The following GRM7 variants were observed in gnomAD, a reference collection of about 807,000 sequenced individuals.
GRM7 encodes metabotropic glutamate receptor 7.
Under a neutral mutation model 84.5 loss-of-function variants are expected in GRM7, and 35 were observed. That is an observed-to-expected ratio of 0.41 (90% CI 0.32 to 0.55). GRM7 has a LOEUF of 0.55. Ranked by LOEUF, GRM7 falls within the 20% of genes least tolerant of loss-of-function variation. GRM7 has a pLI of 0.19. For missense variants in GRM7, 1,003 were observed against 1,194.6 expected, an observed-to-expected ratio of 0.84 and a Z score of 2.36; for synonymous variants, 487 against 455.1, an observed-to-expected ratio of 1.07 and a Z score of -0.89.
At chr3:6,983,562 A>G (rs1694282172) in intron 1 of GRM7, among the ~76,000 whole-genome samples, 1 of 152,060 alleles carries the variant, frequency 6.6e-6, no homozygotes, top group South Asian at 2.1e-4. Flanking sequence ...GTTCCTAATA[A>G]TTTTCTTACA....
chr3:7,175,722 G>T (rs1695123947), intron 2 of GRM7, among the ~76,000 whole-genome samples: 1 of 152,034 alleles, frequency 6.6e-6, no homozygotes, highest in Non-Finnish European at 1.5e-5. Context: ...GTTTTTAGTA[G>T]AGACATGGTT....
At chr3:7,550,569 CTCTCTCTCTGTGTGTGTG>C (rs201765474) in intron 7 of GRM7, among the ~76,000 whole-genome samples, 8,623 of 96,128 alleles carry the variant, frequency 0.09, 341 homozygotes, top group Non-Finnish European at 0.12. Context: ...CTCTCTCTCT[CTCTCTCTCTGTGTGTGTG>C]TGTGTGTGTG....
At chr3:7,494,779 G>T (rs933337832) in intron 7 of GRM7, among the ~76,000 whole-genome samples, 1 of 152,094 alleles carries the variant, frequency 6.6e-6, no homozygotes. Flanking sequence ...AAGCAATATT[G>T]TTTTCACTGG....
intron 2 of GRM7, among the ~76,000 whole-genome samples, chr3:7,226,356 T>C (rs1007656656): frequency 6.6e-6 from 1 of 152,170 alleles, no homozygotes; most frequent in African/African-American, 2.4e-5. Flanking sequence ...ATTTATTTCC[T>C]TGTGGCTGTG....
At chr3:7,217,275 C>T (rs933794806) in intron 2 of GRM7, among the ~76,000 whole-genome samples, 4 of 152,168 alleles carry the variant, frequency 2.6e-5, no homozygotes, top group African/African-American at 9.7e-5. Flanking sequence ...CCAAGTGGCA[C>T]ATTCACTAAA....
At chr3:6,873,024 T>C (rs1216220281) in intron 1 of GRM7, among the ~76,000 whole-genome samples, 2 of 152,204 alleles carry the variant, frequency 1.3e-5, no homozygotes, top group Admixed American at 6.5e-5. Flanking sequence ...TCTAGATCCC[T>C]GAGGAATCAC....
At chr3:7,481,137 G>A (rs1699112090) in intron 7 of GRM7, among the ~76,000 whole-genome samples, 1 of 151,688 alleles carries the variant, frequency 6.6e-6, no homozygotes, top group Non-Finnish European at 1.5e-5. Flanking sequence ...GGAATGCAGT[G>A]GTATGGTCAC....
chr3:7,255,907 C>T (rs1698177537), intron 2 of GRM7, among the ~76,000 whole-genome samples: 1 of 152,182 alleles, frequency 6.6e-6, no homozygotes, highest in African/African-American at 2.4e-5. Context: ...AGTAGCACAG[C>T]TTACACAACT....
At chr3:7,526,395 CTTGAT>C (rs1175841880) in intron 7 of GRM7, among the ~76,000 whole-genome samples, 2 of 149,852 alleles carry the variant, frequency 1.3e-5, no homozygotes, top group Non-Finnish European at 3.0e-5. Context: ...TGTTTTTTTC[CTTGAT>C]TTAAGTTTCT....
intron 2 of GRM7, among the ~76,000 whole-genome samples, chr3:7,248,860 C>T (rs1183977448): frequency 6.6e-6 from 1 of 152,078 alleles, no homozygotes; most frequent in Non-Finnish European, 1.5e-5. Context: ...GTCACCAGTA[C>T]AGGTAGCTGC....
chr3:7,268,392 G>C (rs1205671820), intron 2 of GRM7, among the ~76,000 whole-genome samples: 2 of 151,984 alleles, frequency 1.3e-5, no homozygotes, highest in Admixed American at 6.6e-5. Flanking sequence ...GGTGGTCAAG[G>C]CTGCAGTGAG....
chr3:6,972,083 G>A (rs554664814), intron 1 of GRM7, among the ~76,000 whole-genome samples: 1 of 152,242 alleles, frequency 6.6e-6, no homozygotes, highest in Non-Finnish European at 1.5e-5. Context: ...AGTTGAGATA[G>A]CTGAATGTCT....
At chr3:6,988,366 T>C (rs796446432) in intron 1 of GRM7, among the ~76,000 whole-genome samples, 10 of 152,036 alleles carry the variant, frequency 6.6e-5, no homozygotes, top group African/African-American at 2.4e-4. Flanking sequence ...ACAGCTCATC[T>C]GTTGGGTGGC....
At chr3:7,509,837 T>C (rs540788280) in intron 7 of GRM7, among the ~76,000 whole-genome samples, 39 of 89,210 alleles carry the variant, frequency 4.4e-4, no homozygotes, top group African/African-American at 1.3e-3. Flanking sequence ...TATCAGGGGA[T>C]TGAAAAAATA....
intron 7 of GRM7, among the ~76,000 whole-genome samples, chr3:7,535,921 G>A (rs1009382470): frequency 6.6e-6 from 1 of 152,300 alleles, no homozygotes; most frequent in African/African-American, 2.4e-5. Context: ...AAGTCCAGGG[G>A]TCTGCATCTG....
chr3:7,138,477 T>C (rs1425915569), intron 1 of GRM7, among the ~76,000 whole-genome samples: 1 of 151,942 alleles, frequency 6.6e-6, no homozygotes, highest in Non-Finnish European at 1.5e-5. Context: ...TTTATAGGCA[T>C]ACTGGTAGAC....
At chr3:6,974,313 T>C (rs1693899112) in intron 1 of GRM7, among the ~76,000 whole-genome samples, 1 of 152,164 alleles carries the variant, frequency 6.6e-6, no homozygotes, top group African/African-American at 2.4e-5. Flanking sequence ...ATGTTCATCA[T>C]CCTAGTGGAG....
At chr3:7,344,996 A>G (rs1216767586) in intron 4 of GRM7, among the ~76,000 whole-genome samples, 2 of 152,170 alleles carry the variant, frequency 1.3e-5, no homozygotes, top group African/African-American at 4.8e-5. Flanking sequence ...ATCATTACAC[A>G]TTATACACAT....
intron 2 of GRM7, among the ~76,000 whole-genome samples, chr3:7,157,266 G>T (rs1694482986): frequency 1.3e-5 from 2 of 152,124 alleles, no homozygotes; most frequent in African/African-American, 4.8e-5. Context: ...GATTCCATAA[G>T]ATGGTTATTG....
Sources: allele counts gnomAD v4.1 joint callset (sites outside exome capture counted in the v4.1 genomes callset), GRCh38; gene constraint gnomAD v4.1.1; transcripts MANE v1.5; gene names NCBI Gene and HGNC (gene_info 2026-07-23, HGNC 2026-07-21).